The following NTM variants were observed in gnomAD, a reference collection of about 807,000 sequenced individuals.
NTM encodes the protein neurotrimin.
In NTM, 13 loss-of-function variants were observed where a neutral mutation model predicts 42.1. The ratio of observed to expected loss-of-function variants is 0.31; its 90% CI spans 0.20 to 0.49. NTM has a LOEUF of 0.49. NTM is among the 20% of genes least tolerant of loss of function. The pLI, the probability that NTM is intolerant of heterozygous loss-of-function variation, is 0.99. For missense variants in NTM, 373 were observed against 452.8 expected, an observed-to-expected ratio of 0.82 and a Z score of 1.60; for synonymous variants, 187 against 179.2, an observed-to-expected ratio of 1.04 and a Z score of -0.35.
chr11:131,817,504 G>A (rs2092997953), intron 1 of NTM, among the ~76,000 whole-genome samples: 1 of 152,096 alleles, frequency 6.6e-6, no homozygotes, highest in African/African-American at 2.4e-5. Flanking sequence ...CTTACAACTG[G>A]GCACCTCAGG....
chr11:132,328,706 G>A (rs1325665329), intron 7 of NTM, among the ~76,000 whole-genome samples: 1 of 152,120 alleles, frequency 6.6e-6, no homozygotes, highest in African/African-American at 2.4e-5. Flanking sequence ...ATCTCCCCAA[G>A]TCTGTCTTTA....
intron 1 of NTM, among the ~76,000 whole-genome samples, chr11:131,492,052 G>A (rs1468383693): frequency 6.6e-6 from 1 of 152,182 alleles, no homozygotes; most frequent in Non-Finnish European, 1.5e-5. Flanking sequence ...AGACATTCAA[G>A]AATTTGCCCT....
intron 1 of NTM, among the ~76,000 whole-genome samples, chr11:131,407,939 A>C (rs1945981376): frequency 6.6e-6 from 1 of 152,248 alleles, no homozygotes; most frequent in Non-Finnish European, 1.5e-5. Context: ...TTAACTTAAT[A>C]GTTTCGTGGA....
chr11:131,750,635 T>C (rs2082374522), intron 1 of NTM, among the ~76,000 whole-genome samples: 1 of 152,204 alleles, frequency 6.6e-6, no homozygotes, highest in Non-Finnish European at 1.5e-5. Flanking sequence ...AATTTTTTCA[T>C]TTCCGCTTTC....
intron 1 of NTM, among the ~76,000 whole-genome samples, chr11:131,497,186 C>CT (rs1041098182): frequency 1.4e-4 from 22 of 152,212 alleles, no homozygotes; most frequent in African/African-American, 5.3e-4. Flanking sequence ...ATTACTATTT[C>CT]TTTTATTTAT....
intron 1 of NTM, among the ~76,000 whole-genome samples, chr11:131,448,334 C>T (rs1015797327): frequency 1.3e-5 from 2 of 152,204 alleles, no homozygotes; most frequent in Non-Finnish European, 2.9e-5. Flanking sequence ...TTTTCTGCCC[C>T]CATGGACTCA....
chr11:132,153,976 GT>G (rs1347161689), intron 3 of NTM, among the ~76,000 whole-genome samples: 1 of 152,200 alleles, frequency 6.6e-6, no homozygotes, highest in Non-Finnish European at 1.5e-5. Context: ...GGGCAGTAGA[GT>G]TTTTTAGGGG....
intron 2 of NTM, among the ~76,000 whole-genome samples, chr11:132,121,475 A>AG (rs2064816220): frequency 6.6e-6 from 1 of 152,174 alleles, no homozygotes. Context: ...AAAATGCCCC[A>AG]GCTCCATTTA....
intron 1 of NTM, among the ~76,000 whole-genome samples, chr11:131,524,748 G>T (rs1470740443): frequency 6.6e-6 from 1 of 152,214 alleles, no homozygotes; most frequent in African/African-American, 2.4e-5. Flanking sequence ...CCTGTGGAAA[G>T]GTGGAAGAGG....
intron 3 of NTM, among the ~76,000 whole-genome samples, chr11:132,200,210 C>A (rs2080940908): frequency 6.6e-6 from 1 of 152,156 alleles, no homozygotes; most frequent in African/African-American, 2.4e-5. Flanking sequence ...CCTTTGACAG[C>A]AGTGGGACCA....
chr11:131,617,908 G>A (rs1264661459), intron 1 of NTM, among the ~76,000 whole-genome samples: 1 of 152,164 alleles, frequency 6.6e-6, no homozygotes, highest in Non-Finnish European at 1.5e-5. Flanking sequence ...GCCACCCAGT[G>A]TGCCGTCTGA....
At chr11:132,229,309 C>G (rs1161835734) in intron 4 of NTM, among the ~76,000 whole-genome samples, 2 of 152,202 alleles carry the variant, frequency 1.3e-5, no homozygotes, top group Admixed American at 1.3e-4. Flanking sequence ...CGCTTGCTCA[C>G]AGGTGCTCCC....
intron 2 of NTM, among the ~76,000 whole-genome samples, chr11:131,938,587 G>T (rs1811179392): frequency 6.6e-6 from 1 of 152,192 alleles, no homozygotes; most frequent in African/African-American, 2.4e-5. Context: ...CAAGAGAATG[G>T]CTTGGTCATG....
intron 2 of NTM, among the ~76,000 whole-genome samples, chr11:131,987,144 C>T (rs1370128194): frequency 6.6e-6 from 1 of 152,146 alleles, no homozygotes; most frequent in African/African-American, 2.4e-5. Flanking sequence ...CACTAAAAGG[C>T]AGTTATTTGT....
At chr11:131,817,822 T>C (rs1020043441) in intron 1 of NTM, among the ~76,000 whole-genome samples, 7 of 152,220 alleles carry the variant, frequency 4.6e-5, no homozygotes, top group Non-Finnish European at 4.4e-5. Flanking sequence ...CTGACTAGAC[T>C]CATCGCAGCC....
At chr11:131,634,520 T>A (rs1226402531) in intron 1 of NTM, among the ~76,000 whole-genome samples, 1 of 152,154 alleles carries the variant, frequency 6.6e-6, no homozygotes, top group Non-Finnish European at 1.5e-5. Context: ...CCAAAATATG[T>A]CGATGTTGAA....
intron 1 of NTM, among the ~76,000 whole-genome samples, chr11:131,816,182 G>A (rs1190453390): frequency 6.6e-6 from 1 of 152,122 alleles, no homozygotes; most frequent in African/African-American, 2.4e-5. Flanking sequence ...ATTTGTTCTG[G>A]ATCACACCAA....
intron 4 of NTM, among the ~76,000 whole-genome samples, chr11:132,272,476 C>A (rs2093527956): frequency 1.3e-5 from 2 of 152,162 alleles, no homozygotes; most frequent in South Asian, 4.1e-4. Flanking sequence ...GGAATATTGC[C>A]ATTTTAACAT....
chr11:132,133,118 C>T (rs983868430), intron 2 of NTM, among the ~76,000 whole-genome samples: 6 of 152,146 alleles, frequency 3.9e-5, no homozygotes, highest in Non-Finnish European at 8.8e-5. Context: ...ACAGACTTAA[C>T]CTCTGTAGGT....
Sources: allele counts gnomAD v4.1 joint callset (sites outside exome capture counted in the v4.1 genomes callset), GRCh38; gene constraint gnomAD v4.1.1; transcripts MANE v1.5; gene names NCBI Gene and HGNC (gene_info 2026-07-23, HGNC 2026-07-21).